The following MAML3 variants were observed in gnomAD, a reference collection of about 807,000 sequenced individuals.
MAML3 encodes mastermind-like protein 3.
A neutral mutation model predicts 101.9 loss-of-function variants in MAML3; 27 were observed. The ratio of observed to expected loss-of-function variants is 0.27; its 90% CI spans 0.20 to 0.37. The LOEUF (loss-of-function observed/expected upper bound fraction) is 0.37. Ranked by LOEUF, MAML3 falls within the 10% of genes least tolerant of loss-of-function variation. The pLI is 1.00. For synonymous variants in MAML3, 501 were observed against 555.9 expected (o/e 0.90, Z 1.39); for missense variants, 1,316 against 1,444.9 (o/e 0.91, Z 1.45).
chr4:139,883,298 GA>G (rs1348737750), intron 2 of MAML3, among the ~76,000 whole-genome samples: 10 of 152,186 alleles, frequency 6.6e-5, no homozygotes, highest in African/African-American at 2.4e-4. Flanking sequence ...TACATGGTCA[GA>G]AAAGTTTAAG....
chr4:140,102,855 TCAC>T (rs1291616495), intron 1 of MAML3, among the ~76,000 whole-genome samples: 1 of 151,980 alleles, frequency 6.6e-6, no homozygotes, highest in Non-Finnish European at 1.5e-5. Context: ...AAATTACTCA[TCAC>T]CACCAAGTGA....
chr4:140,149,739 A>G (rs1025104448), intron 1 of MAML3, among the ~76,000 whole-genome samples: 4 of 152,170 alleles, frequency 2.6e-5, no homozygotes, highest in Admixed American at 2.0e-4. Context: ...TGAGAACTAC[A>G]TTTAATTGTT....
Position 139,719,301 on chromosome 4 carries a change from T to C in MAML3, c.*22A>G. On this transcript the variant is annotated 3_prime_UTR_variant, in exon 5 of 5. Transcript: ENST00000509479. ...TTTTAAGCTTTAACCACTCGAGTTG[T>C]GGATCTTGGGGCCTCTCTTGATTAG... 1 of 1,541,372 alleles carries C rather than the reference T, an allele frequency of 6.5e-7. No homozygotes were observed. Among genetic ancestry groups the C allele is most frequent in the South Asian group, 1.3e-5 (1 of 79,764 alleles).
intron 1 of MAML3, among the ~76,000 whole-genome samples, chr4:140,098,176 C>T (rs1172572766): frequency 6.6e-6 from 1 of 151,998 alleles, no homozygotes; most frequent in Non-Finnish European, 1.5e-5. Flanking sequence ...TTATTTATAC[C>T]CAAACAATAT....
At position 139,863,832 on chromosome 4, in the gene MAML3, G is replaced by GTTTTTTTTTTTTTT. The variant is rs58270046; in HGVS notation, c.2079+25511_2079+25524dup. ...TTTCTGTGGTAATACCAGAACATGG[G>GTTTTTTTTTTTTTT]TTTTTTTTTTTTTTTTTTTTTTTTG... On this transcript the variant is annotated intron_variant, in intron 2 of 4. Transcript: ENST00000509479. 1.2e-3 allele frequency among the ~76,000 whole-genome samples: 133 copies of GTTTTTTTTTTTTTT among 111,272 alleles called. 14 individuals carry two copies. The highest frequency in any genetic ancestry group is 2.3e-3 in the South Asian group (6 of 2,616). 73.0% of individuals were successfully genotyped at this position (111,272 alleles called of 152,430 possible). A position where few individuals can be genotyped will look rare whatever the true frequency, so the allele number is the denominator to read the frequency against.
intron 2 of MAML3, among the ~76,000 whole-genome samples, chr4:139,789,744 G>C (rs1471666769): frequency 2.6e-5 from 4 of 152,130 alleles, no homozygotes; most frequent in African/African-American, 9.7e-5. Flanking sequence ...AAACAGAACA[G>C]TTAGAAAGTT....
intron 2 of MAML3, among the ~76,000 whole-genome samples, chr4:139,869,234 G>A (rs1337907176): frequency 1.3e-5 from 2 of 152,150 alleles, no homozygotes; most frequent in Non-Finnish European, 2.9e-5. Context: ...GAAAAGAAAG[G>A]CTGAGTGCTG....
intron 1 of MAML3, among the ~76,000 whole-genome samples, chr4:139,896,463 G>A (rs957014417): frequency 3.3e-5 from 5 of 152,214 alleles, no homozygotes; most frequent in Admixed American, 6.5e-5. Flanking sequence ...GCCAGGAGCT[G>A]AAGTATGCTG....
At chr4:139,955,783 C>A (rs990226316) in intron 1 of MAML3, among the ~76,000 whole-genome samples, 8 of 152,158 alleles carry the variant, frequency 5.3e-5, no homozygotes, top group Non-Finnish European at 1.2e-4. Flanking sequence ...TGTTACTAGT[C>A]TGGCCAATAG....
At chr4:140,017,686 T>A (rs1436316514) in intron 1 of MAML3, among the ~76,000 whole-genome samples, 2 of 141,436 alleles carry the variant, frequency 1.4e-5, no homozygotes, top group African/African-American at 2.5e-5. Flanking sequence ...AAAAAACCTA[T>A]CCCAAAAGTT....
At chr4:139,784,386 G>T (rs1378342170) in intron 2 of MAML3, among the ~76,000 whole-genome samples, 11 of 152,190 alleles carry the variant, frequency 7.2e-5, no homozygotes, top group Non-Finnish European at 4.4e-5. Flanking sequence ...GGCGAGGCAC[G>T]GGATGAGGGA....
intron 2 of MAML3, among the ~76,000 whole-genome samples, chr4:139,791,291 G>A (rs1413728335): frequency 3.3e-5 from 5 of 152,134 alleles, no homozygotes; most frequent in Admixed American, 3.3e-4. Context: ...GAGGTCAGGA[G>A]TTTGAGACCA....
intron 1 of MAML3, among the ~76,000 whole-genome samples, chr4:139,896,584 T>G (rs1732616817): frequency 6.8e-6 from 1 of 147,432 alleles, no homozygotes; most frequent in Non-Finnish European, 1.5e-5. Context: ...TAGTGTGGCT[T>G]GATGGCTTGT....
At chr4:140,073,714 A>G (rs1226690850) in intron 1 of MAML3, among the ~76,000 whole-genome samples, 1 of 152,138 alleles carries the variant, frequency 6.6e-6, no homozygotes, top group African/African-American at 2.4e-5. Flanking sequence ...AATAATCCAT[A>G]TGTTGCTTTT....
At chr4:139,924,297 G>A (rs917990685) in intron 1 of MAML3, among the ~76,000 whole-genome samples, 2 of 152,172 alleles carry the variant, frequency 1.3e-5, no homozygotes, top group Non-Finnish European at 2.9e-5. Flanking sequence ...ATTCTGAGAT[G>A]ATCAGAGTAG....
chr4:140,003,329 A>T (rs1307471190), intron 1 of MAML3, among the ~76,000 whole-genome samples: 2 of 152,198 alleles, frequency 1.3e-5, no homozygotes, highest in Non-Finnish European at 2.9e-5. Context: ...GCTCTCGGAC[A>T]AAGTTCCAGA....
intron 2 of MAML3, among the ~76,000 whole-genome samples, chr4:139,779,250 T>C (rs1054328341): frequency 6.6e-6 from 1 of 152,110 alleles, no homozygotes; most frequent in African/African-American, 2.4e-5. Flanking sequence ...TTGGGGGGGC[T>C]CTATAAATGC....
intron 1 of MAML3, among the ~76,000 whole-genome samples, chr4:139,967,738 A>C (rs552274888): frequency 1.7e-4 from 26 of 152,222 alleles, no homozygotes; most frequent in African/African-American, 6.0e-4. Flanking sequence ...TGATTTTTTC[A>C]AACGCCTGGA....
At chr4:140,152,642 C>A (rs1729195218) in intron 1 of MAML3, among the ~76,000 whole-genome samples, 1 of 152,134 alleles carries the variant, frequency 6.6e-6, no homozygotes, top group Non-Finnish European at 1.5e-5. Context: ...CCCCTCTCGC[C>A]CCCTCCTCCC....
Sources: allele counts gnomAD v4.1 joint callset (sites outside exome capture counted in the v4.1 genomes callset), GRCh38; gene constraint gnomAD v4.1.1; transcripts MANE v1.5; gene names NCBI Gene and HGNC (gene_info 2026-07-23, HGNC 2026-07-21).